Variants in CABIN1 observed in about 807,000 individuals in gnomAD.
CABIN1 encodes the protein calcineurin-binding protein cabin-1.
Under a neutral mutation model 227.7 loss-of-function variants are expected in CABIN1, and 133 were observed. The ratio of observed to expected loss-of-function variants is 0.58; its 90% CI spans 0.51 to 0.67. The LOEUF is 0.67. Among genes scored for constraint, CABIN1 ranks in the 30% least tolerant of loss-of-function variants. CABIN1 has a pLI of 0.00. For missense variants in CABIN1, 2,408 were observed against 2,852.5 expected, an observed-to-expected ratio of 0.84 and a Z score of 3.55; for synonymous variants, 1,086 against 1,155.1, an observed-to-expected ratio of 0.94 and a Z score of 1.21.
Position 24,067,097 on chromosome 22 carries a change from G to A in CABIN1, c.2148G>A (p.Leu716=), listed in dbSNP as rs373223013. The A allele has an allele frequency of 7.4e-6, 12 of 1,614,072 alleles. No individual in the cohort carries two copies. The African/African-American group carries it at 1.5e-4, about 20-fold the overall frequency. Residue 716 remains leucine (L), a synonymous_variant, in exon 16 of 37, where the codon TTG becomes TTA. Transcript: ENST00000263119. ...TTGTGCATCTGCTCCGCCCCACTTT[G>A]TGCACCAGTGGGTTTGACCGGGCCA... ...KAVVHLLRPT[L]CTSGFDRAKH...
chr22:24,063,016 C>T lies in CABIN1; in HGVS notation c.1754C>T (p.Pro585Leu), dbSNP rs147951333. The T allele has an allele frequency of 1.2e-6, 2 of 1,614,084 alleles. No homozygotes were observed. Among genetic ancestry groups the T allele is most frequent in the African/African-American group, 1.3e-5 (1 of 74,916 alleles). ...MVNGRFGPDF[P>L]GTHCLGDLLQ... ...AATGGCAGATTTGGACCTGACTTCCCAGGGACCCACTGCCTGGGTGACCTC... is the reference window on the plus strand; with the variant it reads ...AATGGCAGATTTGGACCTGACTTCCTAGGGACCCACTGCCTGGGTGACCTC... Residue 585 changes from proline (P) to leucine (L), a missense_variant, in exon 14 of 37, where the codon CCA becomes CTA. This residue lies in a region of CABIN1 where 1,045 missense variants were observed against 1,168.4 expected (regional missense o/e 0.89). Coordinates refer to ENST00000263119, the MANE Select transcript of CABIN1 (RefSeq NM_012295.4).
chr22:24,106,977 C>G (rs952700082), intron 26 of CABIN1, among the ~76,000 whole-genome samples: 1 of 152,202 alleles, frequency 6.6e-6, no homozygotes, highest in African/African-American at 2.4e-5. Flanking sequence ...CACACAAGAT[C>G]TGAAAGGAGC....
chr22:24,068,251 C>G (rs1302396879), intron 16 of CABIN1, among the ~76,000 whole-genome samples: 1 of 152,138 alleles, frequency 6.6e-6, no homozygotes, highest in Non-Finnish European at 1.5e-5. Context: ...CAGAGGAGGT[C>G]AGTCAGGCCC....
chr22:24,026,545 T>C (rs1254259342), intron 1 of CABIN1, among the ~76,000 whole-genome samples: 1 of 152,168 alleles, frequency 6.6e-6, no homozygotes, highest in Non-Finnish European at 1.5e-5. Flanking sequence ...TTTTGAGTTA[T>C]TTTTTGTATT....
rs546633535 is a variant in CABIN1, at chr22:24,167,637, G to A, written c.5682+324G>A. ...CTGTGGCTGTCATCTAAAGATGGCT[G>A]CAGTGACCAGAGATCCCCTTGTCAT... On this transcript the variant is annotated intron_variant, in intron 32 of 36. Coordinates refer to ENST00000263119, the MANE Select transcript of CABIN1 (RefSeq NM_012295.4). Among the ~76,000 whole-genome samples, 4 of 152,326 alleles carry A rather than the reference G, an allele frequency of 2.6e-5. No individual in the cohort carries two copies. The East Asian group carries it at 7.7e-4, about 29-fold the overall frequency.
At chr22:24,059,509 C>A in intron 11 of CABIN1, 146 bp downstream of exon 11, 2 of 1,007,312 alleles carry the variant, frequency 2.0e-6, no homozygotes, top group Non-Finnish European at 3.0e-6. Context: ...TGGACCTAAG[C>A]CCTGTGGTCA....
intron 1 of CABIN1, among the ~76,000 whole-genome samples, chr22:24,031,684 T>A (rs905271988): frequency 6.6e-6 from 1 of 152,090 alleles, no homozygotes; most frequent in African/African-American, 2.4e-5. Flanking sequence ...CAGAGCCCAG[T>A]GGGTGAGCAG....
intron 19 of CABIN1, among the ~76,000 whole-genome samples, chr22:24,081,778 G>A (rs1320599589): frequency 3.3e-5 from 5 of 151,826 alleles, no homozygotes; most frequent in African/African-American, 7.3e-5. Context: ...TGTAATCCCA[G>A]CACTTTGGGA....
At chr22:24,154,049 TG>T (rs1333928594) in intron 29 of CABIN1, among the ~76,000 whole-genome samples, 1 of 152,130 alleles carries the variant, frequency 6.6e-6, no homozygotes, top group Non-Finnish European at 1.5e-5. Flanking sequence ...GCATGCGCGC[TG>T]GGGAGAGCTA....
intron 19 of CABIN1, among the ~76,000 whole-genome samples, chr22:24,077,006 G>C (rs2040489097): frequency 6.6e-6 from 1 of 152,192 alleles, no homozygotes; most frequent in African/African-American, 2.4e-5. Context: ...ATTAACTGTG[G>C]CTGCTTTTGC....
chr22:24,101,789 T>G (rs187928651), intron 26 of CABIN1: 1 of 152,320 alleles, frequency 6.6e-6, no homozygotes, highest in African/African-American at 2.4e-5. Flanking sequence ...TGATTACTCT[T>G]TATACATATT....
intron 1 of CABIN1, among the ~76,000 whole-genome samples, chr22:24,026,361 T>A (rs2036089410): frequency 1.3e-5 from 2 of 152,234 alleles, no homozygotes; most frequent in Non-Finnish European, 2.9e-5. Context: ...TTTTCATTCT[T>A]GTAGCAGTGT....
chr22:24,082,919 C>T (rs2040902466), intron 19 of CABIN1, among the ~76,000 whole-genome samples: 1 of 152,110 alleles, frequency 6.6e-6, no homozygotes, highest in African/African-American at 2.4e-5. Flanking sequence ...GTGAAGTTCC[C>T]AGGAGGCAAA....
At chr22:24,140,509 G>A (rs1776522491) in intron 29 of CABIN1, among the ~76,000 whole-genome samples, 1 of 152,142 alleles carries the variant, frequency 6.6e-6, no homozygotes. Flanking sequence ...CCCCCCGCAG[G>A]CATACACACC....
rs888706501 is a variant in CABIN1 at position 24,041,144 on chromosome 22, T to G, written c.216T>G (p.Val72=). Residue 72 remains valine (V), a synonymous_variant, in exon 5 of 37, where the codon GTT becomes GTG. Coordinates refer to ENST00000263119, the MANE Select transcript of CABIN1 (RefSeq NM_012295.4). ...CTGTTCTGTTTTGTTCACAGGCAGT[T>G]TCATCCGGTGATGAGAAAGAGGGGT... The part of the protein sequence containing the change: ...LLEASLLREA[V]SSGDEKEGLK... 50 of 1,614,194 alleles carry G rather than the reference T, an allele frequency of 3.1e-5. No individual in the cohort carries two copies. Among genetic ancestry groups the G allele is most frequent in the Middle Eastern group, 3.3e-4 (2 of 6,062 alleles).
chr22:24,142,774 A>G (rs1569275911), intron 29 of CABIN1, among the ~76,000 whole-genome samples: 1 of 152,202 alleles, frequency 6.6e-6, no homozygotes, highest in Non-Finnish European at 1.5e-5. Flanking sequence ...CCCAGCAGGT[A>G]AACAAGCCCC....
At chr22:24,127,758 ATGT>A (rs1215765335) in intron 28 of CABIN1, among the ~76,000 whole-genome samples, 1 of 152,102 alleles carries the variant, frequency 6.6e-6, no homozygotes, top group Non-Finnish European at 1.5e-5. Context: ...TGATTCTCTA[ATGT>A]TGTGAATCAG....
chr22:24,055,336 A>T (rs2038705648), intron 9 of CABIN1, among the ~76,000 whole-genome samples, 177 bp downstream of exon 9: 2 of 152,232 alleles, frequency 1.3e-5, no homozygotes, highest in Non-Finnish European at 2.9e-5. Flanking sequence ...TCACAGTGCC[A>T]CTGCCCGTCA....
At chr22:24,031,622 C>A (rs188051375) in intron 1 of CABIN1, among the ~76,000 whole-genome samples, 1 of 152,168 alleles carries the variant, frequency 6.6e-6, no homozygotes, top group East Asian at 1.9e-4. Context: ...GCAGTTCAGA[C>A]GGAGGCTATG....
Sources: allele counts gnomAD v4.1 joint callset (sites outside exome capture counted in the v4.1 genomes callset), GRCh38; gene constraint gnomAD v4.1.1; regional missense constraint gnomAD v4.1.1; transcripts MANE v1.5; gene names NCBI Gene and HGNC (gene_info 2026-07-23, HGNC 2026-07-21).